CNTNAP2: variants seen among roughly 807,000 people sequenced by gnomAD.
CNTNAP2 encodes contactin associated protein 2.
Under a neutral mutation model 155.2 loss-of-function variants are expected in CNTNAP2, and 98 were observed. The observed-to-expected ratio is 0.63, with a 90% CI of 0.54 to 0.75. The LOEUF (loss-of-function observed/expected upper bound fraction) is 0.75, where lower values mean the gene tolerates loss of function less well. Ranked by LOEUF, CNTNAP2 falls within the 30% of genes least tolerant of loss-of-function variation. The pLI is 0.00. For missense variants in CNTNAP2, 1,727 were observed against 1,688.1 expected, an observed-to-expected ratio of 1.02 and a Z score of -0.40; for synonymous variants, 651 against 631.2, an observed-to-expected ratio of 1.03 and a Z score of -0.47.
chr7:148,189,055 A>G (rs1278511995), intron 18 of CNTNAP2, among the ~76,000 whole-genome samples: 1 of 152,194 alleles, frequency 6.6e-6, no homozygotes, highest in Non-Finnish European at 1.5e-5. Context: ...GGAGAGGTAG[A>G]GTTAGAGGAT....
At chr7:146,930,668 A>T (rs28761016) in intron 3 of CNTNAP2, among the ~76,000 whole-genome samples, 2,122 of 151,770 alleles carry the variant, frequency 0.014, 50 homozygotes, top group African/African-American at 0.049. Flanking sequence ...AAGACTTATC[A>T]GTGTGCTGTA....
At chr7:146,754,554 GTCTCTCTC>G (rs143802449) in intron 1 of CNTNAP2, among the ~76,000 whole-genome samples, 29 of 144,914 alleles carry the variant, frequency 2.0e-4, no homozygotes, top group Admixed American at 4.8e-4. Flanking sequence ...CTCTCTCTCT[GTCTCTCTC>G]TCTCTCTCTC....
chr7:147,569,220 G>C (rs564164003), intron 12 of CNTNAP2, among the ~76,000 whole-genome samples: 1 of 152,074 alleles, frequency 6.6e-6, no homozygotes, highest in Non-Finnish European at 1.5e-5. Context: ...GTTTCTAAGC[G>C]CTTGCACTCA....
chr7:146,871,454 C>T (rs551270822), intron 3 of CNTNAP2, among the ~76,000 whole-genome samples: 55 of 151,956 alleles, frequency 3.6e-4, no homozygotes, highest in African/African-American at 1.3e-3. Flanking sequence ...TGCTCAAACC[C>T]GGGAGATGGC....
intron 13 of CNTNAP2, among the ~76,000 whole-genome samples, chr7:147,788,532 G>A (rs757106612): frequency 6.6e-6 from 1 of 152,168 alleles, no homozygotes; most frequent in African/African-American, 2.4e-5. Context: ...TCAAAGTCAT[G>A]CCAGAATATC....
intron 13 of CNTNAP2, among the ~76,000 whole-genome samples, chr7:147,868,228 G>T (rs1799266799): frequency 6.6e-6 from 1 of 152,142 alleles, no homozygotes; most frequent in African/African-American, 2.4e-5. Context: ...TTCTGTTGGA[G>T]TTTGCTGGTG....
At chr7:147,017,430 A>T (rs1198509558) in intron 3 of CNTNAP2, among the ~76,000 whole-genome samples, 1 of 152,052 alleles carries the variant, frequency 6.6e-6, no homozygotes, top group Non-Finnish European at 1.5e-5. Context: ...GATGTTTCCT[A>T]TGTATGCTAT....
At chr7:147,442,091 G>C (rs1403836229) in intron 10 of CNTNAP2, among the ~76,000 whole-genome samples, 3 of 152,092 alleles carry the variant, frequency 2.0e-5, no homozygotes, top group Non-Finnish European at 4.4e-5. Flanking sequence ...TTCACTTCAG[G>C]GTTGCAAGTT....
intron 21 of CNTNAP2, among the ~76,000 whole-genome samples, chr7:148,336,126 G>A (rs1798111434): frequency 6.6e-6 from 1 of 152,146 alleles, no homozygotes; most frequent in Non-Finnish European, 1.5e-5. Context: ...AAAACTTGAA[G>A]AACATTTATG....
chr7:148,042,481 G>A (rs1802697067), intron 15 of CNTNAP2, among the ~76,000 whole-genome samples: 1 of 152,180 alleles, frequency 6.6e-6, no homozygotes, highest in Admixed American at 6.5e-5. Context: ...CTAAAGGACA[G>A]ACCCAGCCCT....
chr7:147,665,427 A>G (rs1795677679), intron 13 of CNTNAP2, among the ~76,000 whole-genome samples: 1 of 152,194 alleles, frequency 6.6e-6, no homozygotes, highest in South Asian at 2.1e-4. Flanking sequence ...ACATTCTTGA[A>G]TATGTCTTGT....
chr7:147,404,710 G>C (rs1796975807), intron 10 of CNTNAP2, among the ~76,000 whole-genome samples: 1 of 152,058 alleles, frequency 6.6e-6, no homozygotes, highest in Non-Finnish European at 1.5e-5. Flanking sequence ...GTTTCTTTTA[G>C]AAGGGAGGAG....
chr7:147,657,227 T>A (rs1584882998), intron 13 of CNTNAP2, among the ~76,000 whole-genome samples: 2 of 151,750 alleles, frequency 1.3e-5, no homozygotes, highest in African/African-American at 4.8e-5. Flanking sequence ...GGGAGAATAA[T>A]CAGGCTGTAG....
chr7:147,367,273 C>T (rs957197843), intron 9 of CNTNAP2, among the ~76,000 whole-genome samples: 1 of 152,118 alleles, frequency 6.6e-6, no homozygotes, highest in Non-Finnish European at 1.5e-5. Flanking sequence ...GAGGGAATTC[C>T]GAGTTCTAAA....
intron 13 of CNTNAP2, among the ~76,000 whole-genome samples, chr7:147,739,183 A>G (rs935995389): frequency 3.3e-5 from 5 of 150,338 alleles, no homozygotes; most frequent in African/African-American, 1.2e-4. Flanking sequence ...ACTATTTATC[A>G]ACTCATTTCA....
chr7:146,895,272 C>T (rs1795852639), intron 3 of CNTNAP2, among the ~76,000 whole-genome samples: 1 of 135,284 alleles, frequency 7.4e-6, no homozygotes, highest in South Asian at 2.4e-4. Context: ...CCCCTTCCTT[C>T]TTTCCTTCCT....
intron 15 of CNTNAP2, among the ~76,000 whole-genome samples, chr7:148,075,066 A>G (rs1279119248): frequency 6.6e-6 from 1 of 152,170 alleles, no homozygotes; most frequent in Admixed American, 6.5e-5. Flanking sequence ...CCATTTTTTC[A>G]TAGCTAAACT....
At chr7:148,068,204 T>C (rs920886778) in intron 15 of CNTNAP2, among the ~76,000 whole-genome samples, 1 of 151,964 alleles carries the variant, frequency 6.6e-6, no homozygotes, top group African/African-American at 2.4e-5. Context: ...GAAAAATTCA[T>C]ATTTGGTCAA....
intron 6 of CNTNAP2, among the ~76,000 whole-genome samples, chr7:147,126,719 C>T (rs752223899): frequency 4.6e-5 from 7 of 152,146 alleles, no homozygotes; most frequent in East Asian, 1.9e-4. Flanking sequence ...GTGATCCACC[C>T]GCCTTGGCCT....
Sources: gnomAD v4.1 joint callset for allele counts (sites outside exome capture counted in the v4.1 genomes callset) on GRCh38, gnomAD v4.1.1 for gene constraint, MANE v1.5 for transcripts, NCBI Gene and HGNC (gene_info 2026-07-23, HGNC 2026-07-21) for gene names.